The following GRM7 variants were observed in gnomAD, a reference collection of about 807,000 sequenced individuals.
GRM7 encodes the protein metabotropic glutamate receptor 7.
In GRM7, 35 loss-of-function variants were observed where a neutral mutation model predicts 84.5. That is an observed-to-expected ratio of 0.41 (90% CI 0.32 to 0.55). The LOEUF (loss-of-function observed/expected upper bound fraction) is 0.55. Ranked by LOEUF, GRM7 falls within the 20% of genes least tolerant of loss-of-function variation. GRM7 has a pLI of 0.19. For missense variants in GRM7, 1,003 were observed against 1,194.6 expected (o/e 0.84, Z 2.36); for synonymous variants, 487 against 455.1 (o/e 1.07, Z -0.89).
intron 7 of GRM7, among the ~76,000 whole-genome samples, chr3:7,544,132 C>T (rs915357864): frequency 3.9e-5 from 6 of 152,102 alleles, no homozygotes; most frequent in South Asian, 4.1e-4. Flanking sequence ...CACGCTTAGG[C>T]GTAAATCATG....
At chr3:7,680,589 T>C in intron 9 of GRM7, 1 of 365,018 alleles carries the variant, frequency 2.7e-6, no homozygotes, top group East Asian at 5.7e-5. Flanking sequence ...CAAATGCACC[T>C]ATCAGGTTGT....
At chr3:6,980,277 T>G (rs1360143275) in intron 1 of GRM7, among the ~76,000 whole-genome samples, 1 of 152,136 alleles carries the variant, frequency 6.6e-6, no homozygotes, top group African/African-American at 2.4e-5. Context: ...TACTTAATAT[T>G]TTTGAGGCCA....
intron 2 of GRM7, among the ~76,000 whole-genome samples, chr3:7,181,677 T>C (rs1695341447): frequency 6.6e-6 from 1 of 152,130 alleles, no homozygotes; most frequent in Non-Finnish European, 1.5e-5. Context: ...GGTGTGATCT[T>C]GGCTCACTGC....
chr3:6,892,231 G>T (rs933202690), intron 1 of GRM7, among the ~76,000 whole-genome samples: 1 of 152,120 alleles, frequency 6.6e-6, no homozygotes, highest in Non-Finnish European at 1.5e-5. Context: ...TTTTGAATTA[G>T]AAATGAATGA....
At chr3:6,943,802 C>T (rs1469128129) in intron 1 of GRM7, among the ~76,000 whole-genome samples, 1 of 151,960 alleles carries the variant, frequency 6.6e-6, no homozygotes, top group African/African-American at 2.4e-5. Flanking sequence ...CAATTCTGAG[C>T]TTACTGATTA....
intron 1 of GRM7, among the ~76,000 whole-genome samples, chr3:6,941,482 A>G (rs903390979): frequency 3.3e-5 from 5 of 152,200 alleles, no homozygotes; most frequent in African/African-American, 9.7e-5. Context: ...TTAGTCAGAA[A>G]GGTTTATGAA....
chr3:7,482,331 C>T (rs1699162603), intron 7 of GRM7, among the ~76,000 whole-genome samples: 1 of 152,168 alleles, frequency 6.6e-6, no homozygotes, highest in African/African-American at 2.4e-5. Context: ...AAGAATCTGC[C>T]ACTTGATTGC....
intron 8 of GRM7, among the ~76,000 whole-genome samples, chr3:7,650,695 T>G (rs1698892277): frequency 1.3e-5 from 2 of 152,150 alleles, no homozygotes; most frequent in Admixed American, 1.3e-4. Context: ...TTGAGAAAAT[T>G]CAAAGTCCAT....
intron 7 of GRM7, among the ~76,000 whole-genome samples, chr3:7,474,335 T>C (rs1445315364): frequency 6.6e-6 from 1 of 152,056 alleles, no homozygotes; most frequent in Non-Finnish European, 1.5e-5. Flanking sequence ...CCCTACCCTA[T>C]ACCCTGTCCT....
In GRM7 at chr3:6,861,599, A is replaced by G. The variant is rs1211257058; in HGVS notation, c.211A>G (p.Lys71Glu). 7.2e-5 allele frequency: 116 copies of G among 1,611,114 alleles called. No homozygotes were observed. The highest frequency in any genetic ancestry group is 9.6e-5 in the Non-Finnish European group (113 of 1,178,544). Reference sequence around the variant, plus strand: ...CAGCGGAGTGCCCTGCGGCGACATCAAGAGGGAAAACGGGATCCACAGGCT... The same window carrying G: ...CAGCGGAGTGCCCTGCGGCGACATCGAGAGGGAAAACGGGATCCACAGGCT... ...GPSGVPCGDI[K>E]RENGIHRLEA... is the part of the protein sequence containing the mutation. The change falls in exon 1 of 10, where the codon AAG becomes GAG. Residue 71 changes from lysine (K) to glutamate (E), a missense_variant. Physicochemically the swap from Lys to Glu is moderately conservative, Grantham distance 56 (BLOSUM62 1). Around this residue, in one of 2 missense-constraint regions of GRM7, gnomAD observed 910 missense variants for 1,126.0 expected, o/e 0.81. Coordinates refer to ENST00000357716, the MANE Select transcript of GRM7 (RefSeq NM_000844.4). This position sits in a 1 kb window ranked among gnomAD's most constrained non-coding sequence, Gnocchi z 6.4.
chr3:7,310,330 A>G (rs939331481), intron 4 of GRM7, among the ~76,000 whole-genome samples: 2 of 152,220 alleles, frequency 1.3e-5, no homozygotes, highest in Non-Finnish European at 2.9e-5. Flanking sequence ...TAGACAAAAC[A>G]TACTCTGGAC....
intron 1 of GRM7, among the ~76,000 whole-genome samples, chr3:7,013,987 G>T (rs1003773584): frequency 8.6e-5 from 13 of 151,932 alleles, no homozygotes; most frequent in African/African-American, 3.1e-4. Flanking sequence ...CCCTTGATTT[G>T]CAGTATATAA....
chr3:7,624,469 A>AT (rs201053642), intron 8 of GRM7, among the ~76,000 whole-genome samples: 2,971 of 152,314 alleles, frequency 0.02, 31 homozygotes, highest in Non-Finnish European at 0.032. Context: ...TAAATAATCA[A>AT]GTACCTGATA....
At chr3:7,350,909 C>T (rs893698952) in intron 4 of GRM7, among the ~76,000 whole-genome samples, 6 of 151,942 alleles carry the variant, frequency 3.9e-5, no homozygotes, top group African/African-American at 7.2e-5. Flanking sequence ...GACAATATGA[C>T]CAAATGATAC....
In GRM7 at chr3:7,715,976, T is replaced by C. The variant is rs1030175623; in HGVS notation, c.2699-24381T>C. 5.7e-4 allele frequency among the ~76,000 whole-genome samples: 87 copies of C among 152,090 alleles called. 1 individual carries two copies. The highest frequency in any genetic ancestry group is 1.0e-4 in the Non-Finnish European group (7 of 68,012). On this transcript the variant is annotated intron_variant, in intron 9 of 9. Transcript: ENST00000357716. ...CCCTTCCCTAACCCAAGCCAGGTTC[T>C]CCTCCCCAGTGTTATTCTCACCCCC... is the stretch of plus-strand genomic sequence containing the variant.
chr3:7,695,151 G>C (rs1024787420), intron 9 of GRM7, among the ~76,000 whole-genome samples: 1 of 152,206 alleles, frequency 6.6e-6, no homozygotes, highest in Non-Finnish European at 1.5e-5. Flanking sequence ...GGCTAGCACT[G>C]TGAGAAGCTA....
chr3:7,177,642 A>G (rs1574996148), intron 2 of GRM7, among the ~76,000 whole-genome samples: 2 of 151,232 alleles, frequency 1.3e-5, no homozygotes, highest in Admixed American at 6.6e-5. Context: ...GGAAATAGAA[A>G]GAAGGGAATG....
At chr3:6,984,662 T>G (rs1043878506) in intron 1 of GRM7, among the ~76,000 whole-genome samples, 1 of 152,196 alleles carries the variant, frequency 6.6e-6, no homozygotes, top group Admixed American at 6.5e-5. Context: ...CAGATGTTTT[T>G]CTGGATCTTG....
intron 1 of GRM7, among the ~76,000 whole-genome samples, chr3:7,086,816 A>G (rs1698473321): frequency 6.6e-6 from 1 of 152,210 alleles, no homozygotes; most frequent in African/African-American, 2.4e-5. Context: ...AAAAGAGGAG[A>G]GATCCAGGCT....
Sources: allele counts gnomAD v4.1 joint callset (sites outside exome capture counted in the v4.1 genomes callset), GRCh38; gene constraint gnomAD v4.1.1; regional missense constraint gnomAD v4.1.1; non-coding constraint Gnocchi (gnomAD v3.1); transcripts MANE v1.5; gene names NCBI Gene and HGNC (gene_info 2026-07-23, HGNC 2026-07-21).